The following CMTM7 variants were observed in gnomAD, a reference collection of about 807,000 sequenced individuals.
CMTM7 encodes CKLF-like MARVEL transmembrane domain-containing protein 7.
In CMTM7, 7 loss-of-function variants were observed where a neutral mutation model predicts 19.3. The observed-to-expected ratio is 0.36, with a 90% CI of 0.21 to 0.68. The LOEUF is 0.68. Ranked by LOEUF, CMTM7 falls within the 30% of genes least tolerant of loss-of-function variation. CMTM7 has a pLI of 0.60. For synonymous variants in CMTM7, 87 were observed against 99.3 expected (o/e 0.88, Z 0.74); for missense variants, 193 against 232.6 (o/e 0.83, Z 1.11).
At chr3:32,412,103 G>T (rs1164472394) in intron 1 of CMTM7, among the ~76,000 whole-genome samples, 1 of 152,194 alleles carries the variant, frequency 6.6e-6, no homozygotes, top group Non-Finnish European at 1.5e-5. Context: ...ATTGGGCTTT[G>T]CCAACATCCG....
chr3:32,425,342 G>A (rs1241656882), intron 1 of CMTM7, among the ~76,000 whole-genome samples: 1 of 152,120 alleles, frequency 6.6e-6, no homozygotes, highest in Non-Finnish European at 1.5e-5. Context: ...AGATTTCTTG[G>A]CAGTCACACC....
At position 32,442,025 on chromosome 3, in the gene CMTM7, G is replaced by T; in HGVS notation, c.333+12G>T. 2.5e-6 allele frequency: 4 copies of T among 1,613,230 alleles called. No homozygotes were observed. The highest frequency in any genetic ancestry group is 3.4e-6 in the Non-Finnish European group (4 of 1,179,410). On this transcript the variant is annotated intron_variant, in intron 2 of 4. Coordinates refer to ENST00000334983, the MANE Select transcript of CMTM7 (RefSeq NM_138410.4). ...GCTGGCCCCTGTCGGTAAGAGAGTG[G>T]TCTGGCCCTGTCCTCCGCATGCACA...
chr3:32,401,375 C>G (rs1049350545), intron 1 of CMTM7, among the ~76,000 whole-genome samples: 1 of 152,196 alleles, frequency 6.6e-6, no homozygotes, highest in Non-Finnish European at 1.5e-5. Flanking sequence ...GAAATACCAG[C>G]CCAAAGTCCT....
intron 1 of CMTM7, among the ~76,000 whole-genome samples, chr3:32,399,522 C>T (rs1695970606): frequency 6.6e-6 from 1 of 152,118 alleles, no homozygotes; most frequent in African/African-American, 2.4e-5. Flanking sequence ...CAATTCCAGG[C>T]TTCACTTTGA....
At chr3:32,420,778 A>T (rs1396224159) in intron 1 of CMTM7, among the ~76,000 whole-genome samples, 2 of 152,202 alleles carry the variant, frequency 1.3e-5, no homozygotes, top group Non-Finnish European at 2.9e-5. Context: ...GTTCCTCAGA[A>T]CTGGGTCTGG....
At chr3:32,417,420 C>A (rs1051346923) in intron 1 of CMTM7, among the ~76,000 whole-genome samples, 10 of 152,050 alleles carry the variant, frequency 6.6e-5, no homozygotes, top group African/African-American at 2.2e-4. Flanking sequence ...CTTTCTATTA[C>A]TGAGTAGTGT....
At chr3:32,450,602 G>A (rs557144671) in intron 3 of CMTM7, among the ~76,000 whole-genome samples, 1 of 152,224 alleles carries the variant, frequency 6.6e-6, no homozygotes, top group Admixed American at 6.5e-5. Flanking sequence ...CAACACTGAT[G>A]CTCCACATGG....
At chr3:32,411,928 G>A (rs1696182505) in intron 1 of CMTM7, among the ~76,000 whole-genome samples, 1 of 152,124 alleles carries the variant, frequency 6.6e-6, no homozygotes, top group Admixed American at 6.5e-5. Context: ...AAGGCAGGAG[G>A]GAAAGGTGGA....
intron 2 of CMTM7, among the ~76,000 whole-genome samples, chr3:32,447,060 A>G (rs1384979727): frequency 6.6e-6 from 1 of 152,202 alleles, no homozygotes; most frequent in African/African-American, 2.4e-5. Flanking sequence ...TTACAGCTAT[A>G]AATCTCCCTC....
intron 1 of CMTM7, among the ~76,000 whole-genome samples, chr3:32,412,265 AC>A (rs979078271): frequency 1.3e-5 from 2 of 152,158 alleles, no homozygotes; most frequent in Admixed American, 1.3e-4. Flanking sequence ...CAGACAGATC[AC>A]CTGAGGTCAG....
At chr3:32,439,348 A>G (rs73066783) in intron 1 of CMTM7, among the ~76,000 whole-genome samples, 4,934 of 152,274 alleles carry the variant, frequency 0.032, 121 homozygotes, top group Middle Eastern at 0.054. Context: ...TGTTGTACCT[A>G]TTGCTGAGGA....
chr3:32,442,197 ACT>A (rs927460699), intron 2 of CMTM7, among the ~76,000 whole-genome samples, 184 bp downstream of exon 2: 11 of 151,566 alleles, frequency 7.3e-5, no homozygotes, highest in Admixed American at 5.3e-4. Flanking sequence ...GGTTTTTAAA[ACT>A]CACTTTCCAG....
rs912674761 is a variant in CMTM7 at position 32,392,079 on chromosome 3, G to C, written c.159+14G>C. On this transcript the variant is annotated intron_variant, in intron 1 of 4. Coordinates refer to ENST00000334983, the MANE Select transcript of CMTM7 (RefSeq NM_138410.4). The stretch of plus-strand genomic sequence containing the variant: ...GTGGCGCAAATGGTAAGTGAGCGCG[G>C]GGCGCGAGGCCGAGGTTCTACAGGG... 33 of 1,232,592 alleles carry C rather than the reference G, an allele frequency of 2.7e-5. No individual in the cohort carries two copies. Among genetic ancestry groups the C allele is most frequent in the Non-Finnish European group, 3.2e-5 (32 of 986,400 alleles). 76.4% of individuals were successfully genotyped at this position (1,232,592 alleles called of 1,614,324 possible).
At chr3:32,392,694 A>G (rs1316432059) in intron 1 of CMTM7, among the ~76,000 whole-genome samples, 1 of 152,150 alleles carries the variant, frequency 6.6e-6, no homozygotes, top group Non-Finnish European at 1.5e-5. Context: ...TCTGGAGGGC[A>G]GGGGGTCAGT....
At chr3:32,412,484 C>T (rs1269504091) in intron 1 of CMTM7, among the ~76,000 whole-genome samples, 1 of 4,454 alleles carries the variant, frequency 2.2e-4, no homozygotes, top group African/African-American at 5.6e-4. Context: ...GAGACTGACA[C>T]ACACACACAC....
In CMTM7 at chr3:32,444,509, C is replaced by A. The variant is rs78638581; in HGVS notation, c.333+2496C>A. 5.0e-3 allele frequency among the ~76,000 whole-genome samples: 757 copies of A among 152,216 alleles called. 5 individuals carry two copies. The highest frequency in any genetic ancestry group is 0.017 in the African/African-American group (725 of 41,536). The stretch of plus-strand genomic sequence containing the variant: ...GCAAATATGCAGCCTCCCAATTATT[C>A]TTCTTTTTTAGGATTGATTTGGATC... On this transcript the variant is annotated intron_variant, in intron 2 of 4. Coordinates refer to ENST00000334983, the MANE Select transcript of CMTM7 (RefSeq NM_138410.4).
intron 1 of CMTM7, among the ~76,000 whole-genome samples, chr3:32,409,640 A>G (rs1575111433): frequency 6.6e-6 from 1 of 152,322 alleles, no homozygotes; most frequent in East Asian, 1.9e-4. Flanking sequence ...CATGACGTCA[A>G]CATTTGTGGA....
At chr3:32,436,840 A>AC (rs1696604811) in intron 1 of CMTM7, among the ~76,000 whole-genome samples, 1 of 152,124 alleles carries the variant, frequency 6.6e-6, no homozygotes, top group African/African-American at 2.4e-5. Flanking sequence ...TCCTGAGACC[A>AC]CCAGACACCT....
chr3:32,442,937 C>T (rs1313172257), intron 2 of CMTM7, among the ~76,000 whole-genome samples: 1 of 152,114 alleles, frequency 6.6e-6, no homozygotes, highest in Non-Finnish European at 1.5e-5. Flanking sequence ...ACCACTCATC[C>T]CTCCAGTCCT....
Sources: allele counts gnomAD v4.1 joint callset (sites outside exome capture counted in the v4.1 genomes callset), GRCh38; gene constraint gnomAD v4.1.1; transcripts MANE v1.5; gene names NCBI Gene and HGNC (gene_info 2026-07-23, HGNC 2026-07-21).